Variants in AUTS2 observed in about 807,000 individuals in gnomAD.
AUTS2 encodes autism susceptibility gene 2 protein.
In AUTS2, 17 loss-of-function variants were observed where a neutral mutation model predicts 112.4. The ratio of observed to expected loss-of-function variants is 0.15; its 90% confidence interval spans 0.10 to 0.23. The LOEUF (loss-of-function observed/expected upper bound fraction) is 0.23. AUTS2 is among the 10% of genes least tolerant of loss of function. AUTS2 has a pLI of 1.00. For synonymous variants in AUTS2, 751 were observed against 702.7 expected, an observed-to-expected ratio of 1.07 and a Z score of -1.09; for missense variants, 1,510 against 1,701.6, an observed-to-expected ratio of 0.89 and a Z score of 1.98.
At chr7:70,312,171 A>G (rs1239975745) in intron 4 of AUTS2, among the ~76,000 whole-genome samples, 1 of 152,172 alleles carries the variant, frequency 6.6e-6, no homozygotes, top group Non-Finnish European at 1.5e-5. Context: ...GAAATATCTT[A>G]AAAGAATCAA....
chr7:70,096,654 A>G (rs997533455), intron 2 of AUTS2, among the ~76,000 whole-genome samples: 2 of 151,852 alleles, frequency 1.3e-5, no homozygotes, highest in African/African-American at 2.4e-5. Flanking sequence ...GTAAAGGACT[A>G]TACTCATTTG....
intron 4 of AUTS2, among the ~76,000 whole-genome samples, chr7:70,392,812 A>G (rs950598457): frequency 2.3e-4 from 35 of 152,212 alleles, no homozygotes; most frequent in African/African-American, 8.0e-4. Flanking sequence ...ATCTTTAGAC[A>G]CCATTCAACC....
chr7:69,808,175 G>A (rs1308356549), intron 1 of AUTS2, among the ~76,000 whole-genome samples: 2 of 152,098 alleles, frequency 1.3e-5, no homozygotes, highest in Non-Finnish European at 2.9e-5. Flanking sequence ...TAATCTGCCC[G>A]CCTCTGCCTC....
At chr7:70,037,018 A>G (rs959412147) in intron 2 of AUTS2, among the ~76,000 whole-genome samples, 8 of 152,338 alleles carry the variant, frequency 5.3e-5, no homozygotes, top group Admixed American at 5.2e-4. Context: ...GTTTTAAAAA[A>G]ATAATTATAT....
In AUTS2 at chr7:69,961,463, T is replaced by C. The variant is rs147796502; in HGVS notation, c.522+61965T>C. Among the ~76,000 whole-genome samples, 491 of 152,306 alleles carry C rather than the reference T, an allele frequency of 3.2e-3. 3 individuals are homozygous for C. Among genetic ancestry groups the C allele is most frequent in the African/African-American group, 0.011 (468 of 41,578 alleles). ...AGTGTACCTATTCTTAGGAACCTTT[T>C]AGGAAAATCTCTTTAACATTGATCC... On this transcript the variant is annotated intron_variant, in intron 2 of 18. Transcript: ENST00000342771.
intron 4 of AUTS2, among the ~76,000 whole-genome samples, chr7:70,238,269 G>T (rs1311192382): frequency 6.6e-6 from 1 of 152,124 alleles, no homozygotes; most frequent in Non-Finnish European, 1.5e-5. Flanking sequence ...GTTACCCAGG[G>T]GCCACCCCCA....
Position 69,875,885 on chromosome 7 carries a change from T to C in AUTS2, c.310-23401T>C, listed in dbSNP as rs906409395. ...TTCTTAATATTCTTATAGTAGCGTC[T>C]AATAGTACATTAGTAAATAGTTATT... On this transcript the variant is annotated intron_variant, in intron 1 of 18. Transcript: ENST00000342771. 3.2e-4 allele frequency among the ~76,000 whole-genome samples: 48 copies of C among 152,294 alleles called. 1 individual carries two copies. The highest frequency in any genetic ancestry group is 1.1e-3 in the African/African-American group (46 of 41,570).
chr7:70,349,271 T>C (rs1192070847), intron 4 of AUTS2, among the ~76,000 whole-genome samples: 1 of 152,248 alleles, frequency 6.6e-6, no homozygotes, highest in African/African-American at 2.4e-5. Context: ...GGCTTAGTGA[T>C]TCTGCTGCTT....
chr7:70,753,546 A>G (rs1367952635), intron 6 of AUTS2, among the ~76,000 whole-genome samples: 1 of 152,182 alleles, frequency 6.6e-6, no homozygotes, highest in Non-Finnish European at 1.5e-5. Context: ...TGCAAGACTG[A>G]ATGTCATCCT....
intron 5 of AUTS2, among the ~76,000 whole-genome samples, chr7:70,688,702 A>G (rs1199239135): frequency 6.6e-6 from 1 of 152,160 alleles, no homozygotes; most frequent in Admixed American, 6.5e-5. Context: ...GCGCATGCCC[A>G]TAGTCCCAGT....
chr7:69,839,579 A>T (rs1791880753), intron 1 of AUTS2, among the ~76,000 whole-genome samples: 1 of 152,196 alleles, frequency 6.6e-6, no homozygotes, highest in African/African-American at 2.4e-5. Flanking sequence ...TATAAACAAG[A>T]CATTAATCTG....
chr7:69,995,385 A>G (rs1273811411), intron 2 of AUTS2, among the ~76,000 whole-genome samples: 1 of 152,182 alleles, frequency 6.6e-6, no homozygotes, highest in Non-Finnish European at 1.5e-5. Context: ...TTAATGCTTT[A>G]CTACACTCTA....
intron 2 of AUTS2, among the ~76,000 whole-genome samples, chr7:69,954,173 G>T (rs117145867): frequency 6.6e-6 from 1 of 152,064 alleles, no homozygotes; most frequent in East Asian, 1.9e-4. Flanking sequence ...CATAGTTACC[G>T]CTTTTCTTTT....
intron 4 of AUTS2, among the ~76,000 whole-genome samples, chr7:70,218,916 T>G (rs1208641336): frequency 6.6e-6 from 1 of 152,176 alleles, no homozygotes; most frequent in Non-Finnish European, 1.5e-5. Flanking sequence ...ATCCCAGTTT[T>G]GTTTGTGGAG....
chr7:70,264,417 A>G (rs1048678404), intron 4 of AUTS2, among the ~76,000 whole-genome samples: 3 of 152,122 alleles, frequency 2.0e-5, no homozygotes, highest in Non-Finnish European at 4.4e-5. Flanking sequence ...CATGTTGGCC[A>G]GGATGGTCTT....
chr7:69,729,976 TTTG>T (rs202221746), intron 1 of AUTS2, among the ~76,000 whole-genome samples: 3,776 of 149,546 alleles, frequency 0.025, 67 homozygotes, highest in Middle Eastern at 0.11. Context: ...TATGTTTTTT[TTTG>T]TTGTTGTTGT....
intron 4 of AUTS2, among the ~76,000 whole-genome samples, chr7:70,257,236 A>C (rs1259591717): frequency 6.6e-6 from 1 of 152,080 alleles, no homozygotes; most frequent in Admixed American, 6.5e-5. Context: ...GACCTCCTGG[A>C]CTCAAGAGAT....
intron 2 of AUTS2, among the ~76,000 whole-genome samples, chr7:69,969,552 A>C (rs1584507156): frequency 6.6e-6 from 1 of 152,184 alleles, no homozygotes; most frequent in East Asian, 1.9e-4. Flanking sequence ...CAATTTAAAA[A>C]TTTTCATTGG....
intron 5 of AUTS2, among the ~76,000 whole-genome samples, chr7:70,503,511 G>A (rs1434569461): frequency 2.9e-5 from 4 of 136,380 alleles, no homozygotes; most frequent in Admixed American, 7.7e-5. Context: ...CAAGACTCCC[G>A]TCTCATTTTT....
Sources: allele counts gnomAD v4.1 joint callset (sites outside exome capture counted in the v4.1 genomes callset), GRCh38; gene constraint gnomAD v4.1.1; transcripts MANE v1.5; gene names NCBI Gene and HGNC (gene_info 2026-07-23, HGNC 2026-07-21).